RAB2A: variants seen among roughly 807,000 people sequenced by gnomAD.
RAB2A encodes the protein RAB2A, member RAS oncogene family, also known as ras-related protein Rab-2A.
A neutral mutation model predicts 32.5 loss-of-function variants in RAB2A; 7 were observed. The observed-to-expected ratio is 0.22, with a 90% CI of 0.12 to 0.40. The LOEUF (loss-of-function observed/expected upper bound fraction) is 0.40. Among genes scored for constraint, RAB2A ranks in the 10% least tolerant of loss-of-function variants. RAB2A has a pLI of 1.00. For missense variants in RAB2A, 108 were observed against 260.7 expected (o/e 0.41, Z 4.03); for synonymous variants, 79 against 85.2 (o/e 0.93, Z 0.40).
chr8:60,547,913 C>T (rs1393360041), intron 1 of RAB2A, among the ~76,000 whole-genome samples: 1 of 114,694 alleles, frequency 8.7e-6, no homozygotes, highest in African/African-American at 3.6e-5. Context: ...GACGGGGCGG[C>T]TGGCCGGGCA....
intron 1 of RAB2A, among the ~76,000 whole-genome samples, chr8:60,534,716 A>G (rs1349019103): frequency 2.0e-5 from 3 of 152,184 alleles, no homozygotes; most frequent in Non-Finnish European, 4.4e-5. Flanking sequence ...GAACTGGGGG[A>G]AAGGGAGATG....
At chr8:60,547,779 C>T (rs540748329) in intron 1 of RAB2A, among the ~76,000 whole-genome samples, 5,415 of 112,902 alleles carry the variant, frequency 0.048, 152 homozygotes, top group African/African-American at 0.1. Context: ...CAGGGGCGGC[C>T]GGGCAGAGGC....
chr8:60,558,657 T>G, intron 1 of RAB2A, 195 bp from the exon 2 acceptor site: 1 of 615,882 alleles, frequency 1.6e-6, no homozygotes, highest in Non-Finnish European at 2.9e-6. Context: ...GGTGAAAATG[T>G]ACTTTAGATT....
At chr8:60,518,596 CAAAAAAAAAAA>C (rs59503766) in intron 1 of RAB2A, among the ~76,000 whole-genome samples, 19 of 45,512 alleles carry the variant, frequency 4.2e-4, no homozygotes, top group South Asian at 6.8e-4. Flanking sequence ...GTGGAGTTTG[CAAAAAAAAAAA>C]AAAAAAAAAA....
chr8:60,610,866 T>C (rs537183847), intron 6 of RAB2A, among the ~76,000 whole-genome samples: 1 of 152,346 alleles, frequency 6.6e-6, no homozygotes, highest in Admixed American at 6.5e-5. Context: ...CACAATTATA[T>C]AGATCGCCAT....
intron 3 of RAB2A, among the ~76,000 whole-genome samples, chr8:60,575,256 A>G (rs7833663): frequency 5.3e-5 from 8 of 151,676 alleles, no homozygotes; most frequent in Non-Finnish European, 1.2e-4. Context: ...ATGCCACCAC[A>G]TGCAGCTAAT....
At chr8:60,544,022 A>C (rs962894215) in intron 1 of RAB2A, among the ~76,000 whole-genome samples, 1 of 145,152 alleles carries the variant, frequency 6.9e-6, no homozygotes. Flanking sequence ...AGATTGCGCC[A>C]CTGCACTCCA....
At chr8:60,600,155 GCAC>G (rs1804109036) in intron 6 of RAB2A, among the ~76,000 whole-genome samples, 1 of 151,526 alleles carries the variant, frequency 6.6e-6, no homozygotes, top group Non-Finnish European at 1.5e-5. Context: ...TGGCAAATAA[GCAC>G]TAAAAAAGAT....
At chr8:60,614,435 G>A (rs1359091580) in intron 6 of RAB2A, among the ~76,000 whole-genome samples, 1 of 151,832 alleles carries the variant, frequency 6.6e-6, no homozygotes, top group Non-Finnish European at 1.5e-5. Flanking sequence ...TTTCTTAATA[G>A]AGACAGGGGT....
intron 1 of RAB2A, among the ~76,000 whole-genome samples, chr8:60,544,977 T>C (rs560423962): frequency 6.6e-6 from 1 of 152,228 alleles, no homozygotes; most frequent in Admixed American, 6.5e-5. Context: ...ACTCCTGAGC[T>C]CAAGCAGTCC....
chr8:60,541,338 T>TGA (rs1345535277), intron 1 of RAB2A, among the ~76,000 whole-genome samples: 2 of 152,144 alleles, frequency 1.3e-5, no homozygotes, highest in Non-Finnish European at 2.9e-5. Context: ...GATGTGATCC[T>TGA]GAGACAACAA....
At chr8:60,535,004 C>A (rs1807536568) in intron 1 of RAB2A, among the ~76,000 whole-genome samples, 1 of 151,876 alleles carries the variant, frequency 6.6e-6, no homozygotes, top group African/African-American at 2.4e-5. Context: ...ATAGAAAAAT[C>A]ATGTTGGACT....
chr8:60,598,845 A>AG (rs1375395344), intron 6 of RAB2A, among the ~76,000 whole-genome samples: 6 of 149,182 alleles, frequency 4.0e-5, no homozygotes. Flanking sequence ...AAAAGGTCGA[A>AG]GGCCTTGTTC....
intron 6 of RAB2A, among the ~76,000 whole-genome samples, chr8:60,599,659 A>G (rs1159890969): frequency 6.6e-6 from 1 of 152,224 alleles, no homozygotes; most frequent in Non-Finnish European, 1.5e-5. Flanking sequence ...ACAAAGGTGC[A>G]AAAGTAGTTA....
At chr8:60,608,496 T>C (rs1296952854) in intron 6 of RAB2A, among the ~76,000 whole-genome samples, 1 of 71,868 alleles carries the variant, frequency 1.4e-5, no homozygotes, top group Non-Finnish European at 2.6e-5. Context: ...TTCCTCTCCT[T>C]CTTCCTCTCC....
intron 6 of RAB2A, among the ~76,000 whole-genome samples, chr8:60,616,189 A>G (rs564593914): frequency 6.6e-6 from 1 of 152,372 alleles, no homozygotes; most frequent in Non-Finnish European, 1.5e-5. Context: ...CTATTTAGGT[A>G]ATAAAATTAG....
intron 1 of RAB2A, among the ~76,000 whole-genome samples, chr8:60,535,286 T>C (rs2130813208): frequency 6.6e-6 from 1 of 152,330 alleles, no homozygotes; most frequent in East Asian, 1.9e-4. Flanking sequence ...TCAATAAAAG[T>C]ACTGCTTACA....
chr8:60,541,671 G>A (rs1233119882), intron 1 of RAB2A, among the ~76,000 whole-genome samples: 2 of 152,142 alleles, frequency 1.3e-5, no homozygotes, highest in Non-Finnish European at 2.9e-5. Flanking sequence ...ACTGGGCGAC[G>A]AGCACAACTC....
Position 60,621,924 on chromosome 8 carries a change from A to G in RAB2A, c.*1155A>G, listed in dbSNP as rs537219268. The stretch of plus-strand genomic sequence containing the variant: ...GTAATTTACTCAGTGTGGTGGTTTT[A>G]TCCTTTTTTTCTTTTTCTCCCTTGG... On this transcript the variant is annotated 3_prime_UTR_variant, in exon 8 of 8. Transcript: ENST00000262646. 1.3e-5 allele frequency: 2 copies of G among 152,152 alleles called. No homozygotes were observed. The highest frequency in any genetic ancestry group is 4.1e-4 in the South Asian group (2 of 4,832). 9.4% of individuals were successfully genotyped at this position (152,152 alleles called of 1,614,324 possible).
Sources: allele counts gnomAD v4.1 joint callset (sites outside exome capture counted in the v4.1 genomes callset), GRCh38; gene constraint gnomAD v4.1.1; transcripts MANE v1.5; gene names NCBI Gene and HGNC (gene_info 2026-07-23, HGNC 2026-07-21).